The following MACROD2 variants were observed in gnomAD, a reference collection of about 807,000 sequenced individuals.
MACROD2 encodes ADP-ribose glycohydrolase MACROD2.
In MACROD2, 36 loss-of-function variants were observed where a neutral mutation model predicts 70.4. The observed-to-expected ratio is 0.51, with a 90% CI of 0.39 to 0.68. The LOEUF (loss-of-function observed/expected upper bound fraction) is 0.68, where lower values mean the gene tolerates loss of function less well. MACROD2 is among the 30% of genes least tolerant of loss of function. The pLI, the probability that MACROD2 is intolerant of heterozygous loss-of-function variation, is 0.00. For synonymous variants in MACROD2, 172 were observed against 178.8 expected, an observed-to-expected ratio of 0.96 and a Z score of 0.30; for missense variants, 496 against 538.4, an observed-to-expected ratio of 0.92 and a Z score of 0.78.
At chr20:15,115,592 A>T (rs1259962210) in intron 5 of MACROD2, among the ~76,000 whole-genome samples, 1 of 152,112 alleles carries the variant, frequency 6.6e-6, no homozygotes, top group African/African-American at 2.4e-5. Context: ...TTTCAAGGTA[A>T]TTCTTGATAG....
intron 8 of MACROD2, among the ~76,000 whole-genome samples, chr20:15,541,296 T>C (rs1014155458): frequency 6.6e-6 from 1 of 152,204 alleles, no homozygotes; most frequent in Non-Finnish European, 1.5e-5. Context: ...CTCTTTTATT[T>C]GTCTTTTTTG....
rs1432925965 is a variant in MACROD2 at position 15,497,001 on chromosome 20, G to A, written c.572-2773G>A. Among the ~76,000 whole-genome samples the A allele has an allele frequency of 2.0e-5, 3 of 152,162 alleles. No homozygotes were observed. In the East Asian group the frequency reaches 5.8e-4, roughly 29 times the overall value. On this transcript the variant is annotated intron_variant, in intron 7 of 17. Coordinates refer to ENST00000684519, the MANE Select transcript of MACROD2 (RefSeq NM_001351661.2). ...ATCAATGGGAAAGGGAGGAAAGGAA[G>A]GGGCGGTGGAAAATAGTTCAGAGGG... is the stretch of plus-strand genomic sequence containing the variant.
intron 5 of MACROD2, among the ~76,000 whole-genome samples, chr20:15,070,491 T>A (rs777048542): frequency 6.6e-6 from 1 of 152,124 alleles, no homozygotes; most frequent in Non-Finnish European, 1.5e-5. Context: ...TGAAATGTAA[T>A]CCTCAATTTT....
chr20:15,682,663 C>CAAAT (rs1412392051), intron 8 of MACROD2, among the ~76,000 whole-genome samples: 1 of 152,184 alleles, frequency 6.6e-6, no homozygotes, highest in African/African-American at 2.4e-5. Context: ...TATCAAACAA[C>CAAAT]ACATTTAAAA....
chr20:15,169,209 C>T (rs897817412), intron 5 of MACROD2, among the ~76,000 whole-genome samples: 4 of 152,100 alleles, frequency 2.6e-5, no homozygotes, highest in Admixed American at 6.6e-5. Flanking sequence ...GGAAGATGAA[C>T]AAAAGTAGCT....
rs185245805 is a variant in MACROD2 at position 14,647,491 on chromosome 20, C to G, written c.302-37352C>G. Among the ~76,000 whole-genome samples the G allele has an allele frequency of 1.7e-3, 258 of 152,180 alleles. 1 individual carries two copies. Among genetic ancestry groups the G allele is most frequent in the African/African-American group, 5.9e-3 (245 of 41,536 alleles). On this transcript the variant is annotated intron_variant, in intron 4 of 17. Coordinates refer to ENST00000684519, the MANE Select transcript of MACROD2 (RefSeq NM_001351661.2). Reference sequence around the variant, plus strand: ...ACTGAGCACATATTTCAATGCATTGCAAATCTGAAGGAATTGTCATGGCTA... The same window carrying G: ...ACTGAGCACATATTTCAATGCATTGGAAATCTGAAGGAATTGTCATGGCTA...
chr20:14,852,155 G>A (rs746064642), intron 5 of MACROD2, among the ~76,000 whole-genome samples: 4 of 152,070 alleles, frequency 2.6e-5, no homozygotes, highest in Non-Finnish European at 5.9e-5. Context: ...AGGAGGAAGC[G>A]CAGGAGCCAG....
intron 3 of MACROD2, among the ~76,000 whole-genome samples, chr20:14,226,234 G>A (rs1198448116): frequency 6.6e-6 from 1 of 152,190 alleles, no homozygotes; most frequent in Non-Finnish European, 1.5e-5. Context: ...CTGTGATGGC[G>A]CAGTAAGGGT....
chr20:14,236,667 A>C (rs1459781587), intron 3 of MACROD2, among the ~76,000 whole-genome samples: 2 of 152,140 alleles, frequency 1.3e-5, no homozygotes, highest in East Asian at 1.9e-4. Flanking sequence ...TTACTTCTTT[A>C]GTTCCAGCAA....
chr20:15,611,286 C>T (rs916909328), intron 8 of MACROD2, among the ~76,000 whole-genome samples: 3 of 152,062 alleles, frequency 2.0e-5, no homozygotes, highest in Non-Finnish European at 4.4e-5. Flanking sequence ...TACCTGCCTC[C>T]CCCAAAAAAT....
chr20:14,111,435 G>A (rs1399457928), intron 3 of MACROD2, among the ~76,000 whole-genome samples: 1 of 151,996 alleles, frequency 6.6e-6, no homozygotes, highest in South Asian at 2.1e-4. Flanking sequence ...CACAGAATGG[G>A]TGAAGATATT....
At chr20:15,732,830 T>C (rs1005152298) in intron 8 of MACROD2, among the ~76,000 whole-genome samples, 29 of 152,098 alleles carry the variant, frequency 1.9e-4, no homozygotes, top group African/African-American at 6.7e-4. Flanking sequence ...AGGTATTCCC[T>C]CTGCTTCTGT....
At chr20:14,781,713 A>G (rs1456829833) in intron 5 of MACROD2, among the ~76,000 whole-genome samples, 5 of 151,906 alleles carry the variant, frequency 3.3e-5, no homozygotes, top group Non-Finnish European at 7.4e-5. Context: ...AAAATTAGGC[A>G]TAGAAGTGTA....
At chr20:15,066,643 G>T (rs13042339) in intron 5 of MACROD2, among the ~76,000 whole-genome samples, 1 of 151,302 alleles carries the variant, frequency 6.6e-6, no homozygotes, top group Non-Finnish European at 1.5e-5. Context: ...ATTTTGGGAG[G>T]CCGAGGCGGG....
At chr20:15,251,194 T>TCTGTTTATTTAAC (rs1327165237) in intron 6 of MACROD2, among the ~76,000 whole-genome samples, 7 of 152,302 alleles carry the variant, frequency 4.6e-5, no homozygotes, top group Non-Finnish European at 1.0e-4. Flanking sequence ...CACAGAAAGT[T>TCTGTTTATTTAAC]CTGTTTATTT....
At chr20:15,662,945 C>A (rs1366184314) in intron 8 of MACROD2, among the ~76,000 whole-genome samples, 1 of 151,472 alleles carries the variant, frequency 6.6e-6, no homozygotes, top group Non-Finnish European at 1.5e-5. Context: ...TGACTTCTGT[C>A]GCTTAAATAA....
chr20:14,172,782 G>T (rs1017959260), intron 3 of MACROD2, among the ~76,000 whole-genome samples: 13 of 151,952 alleles, frequency 8.6e-5, no homozygotes, highest in African/African-American at 3.1e-4. Flanking sequence ...GTTCTATTTT[G>T]GTGTATTTTG....
intron 3 of MACROD2, among the ~76,000 whole-genome samples, chr20:14,269,044 A>G (rs1473874194): frequency 6.6e-6 from 1 of 152,194 alleles, no homozygotes; most frequent in Non-Finnish European, 1.5e-5. Context: ...GCTAGTCTCT[A>G]AACATATTAA....
intron 3 of MACROD2, among the ~76,000 whole-genome samples, chr20:14,267,165 G>T (rs2082151114): frequency 6.6e-6 from 1 of 152,120 alleles, no homozygotes; most frequent in South Asian, 2.1e-4. Context: ...AAGGAAACTA[G>T]CTCGGAAGGA....
Sources: gnomAD v4.1 joint callset for allele counts (sites outside exome capture counted in the v4.1 genomes callset) on GRCh38, gnomAD v4.1.1 for gene constraint, MANE v1.5 for transcripts, NCBI Gene and HGNC (gene_info 2026-07-23, HGNC 2026-07-21) for gene names.